GPAM: variants seen among roughly 807,000 people sequenced by gnomAD.
GPAM encodes the protein glycerol-3-phosphate acyltransferase 1, mitochondrial.
GPAM carries 56 observed loss-of-function variants against 105.0 expected under a neutral mutation model. The observed-to-expected ratio is 0.53, with a 90% CI of 0.43 to 0.67. GPAM has a LOEUF of 0.67. GPAM is among the 30% of genes least tolerant of loss of function. GPAM has a pLI of 0.00. For synonymous variants in GPAM, 368 were observed against 354.4 expected (o/e 1.04, Z -0.43); for missense variants, 855 against 989.8 (o/e 0.86, Z 1.83).
chr10:112,179,213 A>G (rs1265552709), intron 4 of GPAM, among the ~76,000 whole-genome samples: 8 of 152,246 alleles, frequency 5.3e-5, no homozygotes. Flanking sequence ...ATCAGGTACT[A>G]TAGTAGGGCA....
chr10:112,217,011 A>G (rs1268727604), upstream of GPAM, among the ~76,000 whole-genome samples: 2 of 152,162 alleles, frequency 1.3e-5, no homozygotes, highest in Non-Finnish European at 2.9e-5. Flanking sequence ...AATATAATGC[A>G]CACACCATAC....
chr10:112,192,819 T>C (rs1457566673), intron 1 of GPAM, among the ~76,000 whole-genome samples: 2 of 152,110 alleles, frequency 1.3e-5, no homozygotes, highest in African/African-American at 2.4e-5. Flanking sequence ...GAAGGGTGAA[T>C]CAAAATAGAA....
intron 1 of GPAM, among the ~76,000 whole-genome samples, chr10:112,191,920 A>G (rs1234345799): frequency 6.6e-6 from 1 of 152,214 alleles, no homozygotes; most frequent in Non-Finnish European, 1.5e-5. Flanking sequence ...GGGACTGTGA[A>G]GAATGACAGT....
chr10:112,151,249 C>T lies in GPAM; in HGVS notation c.*2301G>A, dbSNP rs1236928979. 1.0e-5 allele frequency: 10 copies of T among 985,482 alleles called. No homozygotes were observed. The highest frequency in any genetic ancestry group is 1.7e-5 in the African/African-American group (1 of 57,206). 61.0% of individuals were successfully genotyped at this position (985,482 alleles called of 1,614,324 possible). On this transcript the variant is annotated 3_prime_UTR_variant, in exon 22 of 22. Coordinates refer to ENST00000348367, the MANE Select transcript of GPAM (RefSeq NM_001244949.2). The stretch of plus-strand genomic sequence containing the variant: ...GTTTAACCTTATGTGGAAGCCATCA[C>T]TGTTGGAAAACAATGAGAATGTATC...
At chr10:112,191,520 C>G (rs930629862) in intron 1 of GPAM, among the ~76,000 whole-genome samples, 1 of 152,202 alleles carries the variant, frequency 6.6e-6, no homozygotes, top group Non-Finnish European at 1.5e-5. Flanking sequence ...TTTTTAACTA[C>G]TGTTTGCTTG....
chr10:112,174,974 T>C (rs1847377560), intron 6 of GPAM, among the ~76,000 whole-genome samples: 1 of 152,134 alleles, frequency 6.6e-6, no homozygotes, highest in African/African-American at 2.4e-5. Context: ...TCCAGGTAGA[T>C]CTCTGAAACT....
At chr10:112,187,691 T>C (rs577302930), upstream of GPAM, among the ~76,000 whole-genome samples, 3 of 152,284 alleles carry the variant, frequency 2.0e-5, no homozygotes, top group South Asian at 6.2e-4. Flanking sequence ...GCTTGTACAA[T>C]ACTATCAACC....
chr10:112,160,593 G>A lies in GPAM; in HGVS notation c.1759+11C>T. 1 of 1,608,914 alleles carries A rather than the reference G, an allele frequency of 6.2e-7. No homozygotes were observed. On this transcript the variant is annotated intron_variant, in intron 16 of 21. Transcript: ENST00000348367. ...TGAAAATTACTGAAAATATTTCAAG[G>A]TCTGACATACCTATGATGGCCTCCA...
Position 112,154,099 on chromosome 10 carries a change from A to G in GPAM, c.2371-433T>C. On this transcript the variant is annotated intron_variant, in intron 21 of 21. Transcript: ENST00000348367. ...AAATACAAGAAAGTAACTAAAAATC[A>G]TATGGAATAATTAAGAGCCAAGATT... 1.0e-5 allele frequency: 2 copies of G among 195,280 alleles called. 1 individual carries two copies. Among genetic ancestry groups the G allele is most frequent in the South Asian group, 1.9e-4 (2 of 10,430 alleles). The allele number at this position is 195,280 out of a possible 1,614,324, so 12.1% of individuals were successfully genotyped here.
Sources: allele counts gnomAD v4.1 joint callset (sites outside exome capture counted in the v4.1 genomes callset), GRCh38; gene constraint gnomAD v4.1.1; transcripts MANE v1.5; gene names NCBI Gene and HGNC (gene_info 2026-07-23, HGNC 2026-07-21).